GRIN3A: variants seen among roughly 807,000 people sequenced by gnomAD.
GRIN3A encodes glutamate ionotropic receptor NMDA type subunit 3A, also known as glutamate receptor ionotropic, NMDA 3A.
In GRIN3A, 47 loss-of-function variants were observed where a neutral mutation model predicts 92.4. That is an observed-to-expected ratio of 0.51 (90% confidence interval 0.40 to 0.65). The LOEUF (loss-of-function observed/expected upper bound fraction) is 0.65. Among genes scored for constraint, GRIN3A ranks in the 30% least tolerant of loss-of-function variants. The pLI, the probability that GRIN3A is intolerant of heterozygous loss-of-function variation, is 0.00. For synonymous variants in GRIN3A, 527 were observed against 540.6 expected (o/e 0.97, Z 0.35); for missense variants, 1,324 against 1,393.1 (o/e 0.95, Z 0.79).
intron 2 of GRIN3A, among the ~76,000 whole-genome samples, chr9:101,684,354 G>A (rs541502362): frequency 1.5e-5 from 2 of 130,654 alleles, no homozygotes; most frequent in East Asian, 2.4e-4. Context: ...CTCGTGATCC[G>A]CCCACCTCGG....
chr9:101,655,283 T>C (rs1829070591), intron 3 of GRIN3A, among the ~76,000 whole-genome samples: 1 of 151,910 alleles, frequency 6.6e-6, no homozygotes, highest in South Asian at 2.1e-4. Context: ...TAAAGCAAAA[T>C]ATATTCTGCA....
intron 8 of GRIN3A, 92 bp from the exon 9 acceptor site, chr9:101,573,605 G>A: frequency 1.0e-6 from 1 of 987,340 alleles, no homozygotes; most frequent in Admixed American, 1.9e-5. Flanking sequence ...GCAATAATAT[G>A]GAGCTGGGTG....
At chr9:101,678,481 T>C (rs1238689072) in intron 2 of GRIN3A, among the ~76,000 whole-genome samples, 4 of 152,294 alleles carry the variant, frequency 2.6e-5, no homozygotes, top group Middle Eastern at 3.4e-3. Flanking sequence ...TAAAATTGCA[T>C]ACAAGGCTCA....
At chr9:101,578,347 T>C (rs1269544444) in intron 7 of GRIN3A, among the ~76,000 whole-genome samples, 1 of 151,726 alleles carries the variant, frequency 6.6e-6, no homozygotes, top group African/African-American at 2.4e-5. Flanking sequence ...CCAATGATAG[T>C]AACCTATCTA....
chr9:101,678,988 G>A (rs990020965), intron 2 of GRIN3A, among the ~76,000 whole-genome samples: 7 of 152,124 alleles, frequency 4.6e-5, no homozygotes, highest in Non-Finnish European at 8.8e-5. Context: ...CCCTTGAACT[G>A]TTCCTGGTCA....
At chr9:101,700,639 A>G (rs1179487229) in intron 1 of GRIN3A, among the ~76,000 whole-genome samples, 1 of 152,218 alleles carries the variant, frequency 6.6e-6, no homozygotes, top group Non-Finnish European at 1.5e-5. Flanking sequence ...TATTCAAAAT[A>G]GAATTTGTTT....
intron 5 of GRIN3A, among the ~76,000 whole-genome samples, chr9:101,622,004 A>G (rs1828563080): frequency 6.6e-6 from 1 of 152,224 alleles, no homozygotes; most frequent in African/African-American, 2.4e-5. Flanking sequence ...TCCCTTTGCT[A>G]TCTAAGACGG....
chr9:101,614,996 C>T (rs1372370249), intron 5 of GRIN3A, among the ~76,000 whole-genome samples: 1 of 151,796 alleles, frequency 6.6e-6, no homozygotes, highest in Non-Finnish European at 1.5e-5. Context: ...GCAAGGGAGG[C>T]AGGGGAAGGA....
At chr9:101,733,831 G>T (rs1309444564) in intron 1 of GRIN3A, among the ~76,000 whole-genome samples, 4 of 152,184 alleles carry the variant, frequency 2.6e-5, no homozygotes, top group African/African-American at 9.6e-5. Context: ...CAACGAGAGT[G>T]TTGAAAATAG....
chr9:101,681,475 A>G (rs545542460), intron 2 of GRIN3A, among the ~76,000 whole-genome samples: 1 of 152,332 alleles, frequency 6.6e-6, no homozygotes, highest in East Asian at 1.9e-4. Context: ...TTCCAGAATC[A>G]TCTCAAATCC....
chr9:101,670,813 A>G lies in GRIN3A; in HGVS notation c.1599T>C (p.Asp533=), dbSNP rs1829307616. The G allele has an allele frequency of 1.2e-6, 2 of 1,614,090 alleles. No individual in the cohort carries two copies. The highest frequency in any genetic ancestry group is 1.7e-6 in the Non-Finnish European group (2 of 1,179,970). Residue 533 remains aspartate, a synonymous_variant, in exon 3 of 9, where the codon GAT becomes GAC. Coordinates refer to ENST00000361820, the MANE Select transcript of GRIN3A (RefSeq NM_133445.3). ...HPFVFTREVD[D]EGLCPAGQLC... ...GTTGGCCAGCAGGGCACAAGCCTTC[A>G]TCATCTACCTCCCTTGTGAAGACAA... is the stretch of plus-strand genomic sequence containing the variant.
intron 2 of GRIN3A, among the ~76,000 whole-genome samples, chr9:101,671,460 T>C (rs1272379016): frequency 6.6e-6 from 1 of 152,040 alleles, no homozygotes; most frequent in Non-Finnish European, 1.5e-5. Context: ...GCTATGGAGG[T>C]TTTCAGCATC....
intron 1 of GRIN3A, among the ~76,000 whole-genome samples, chr9:101,733,057 A>G (rs989925069): frequency 6.6e-6 from 1 of 152,192 alleles, no homozygotes; most frequent in African/African-American, 2.4e-5. Context: ...ATAAAATCTA[A>G]TGGTACAAAA....
Position 101,573,058 on chromosome 9 carries a change from A to G in GRIN3A, c.*116T>C, listed in dbSNP as rs1250491217. ...AGGGAGAGCAGACTTGACCTTTAAGAAGACCTAGACCTCAGCTTCCCCACA... is the reference window on the plus strand; with the variant it reads ...AGGGAGAGCAGACTTGACCTTTAAGGAGACCTAGACCTCAGCTTCCCCACA... On this transcript the variant is annotated 3_prime_UTR_variant, in exon 9 of 9. Coordinates refer to ENST00000361820, the MANE Select transcript of GRIN3A (RefSeq NM_133445.3). 1.1e-6 allele frequency: 1 copy of G among 896,520 alleles called. No homozygotes were observed. The highest frequency in any genetic ancestry group is 1.6e-5 in the African/African-American group (1 of 61,276). The allele number at this position is 896,520 out of a possible 1,614,324, so 55.5% of individuals were successfully genotyped here.
intron 3 of GRIN3A, among the ~76,000 whole-genome samples, chr9:101,633,530 C>G (rs191145875): frequency 1.3e-5 from 2 of 152,106 alleles, no homozygotes; most frequent in Non-Finnish European, 2.9e-5. Flanking sequence ...GGTAATGGTC[C>G]GTGGTCTGGT....
intron 1 of GRIN3A, among the ~76,000 whole-genome samples, chr9:101,695,133 C>T (rs965613347): frequency 1.4e-4 from 22 of 152,036 alleles, no homozygotes; most frequent in Non-Finnish European, 3.1e-4. Context: ...TACAGTCATA[C>T]CCAGAAAGTG....
rs142361059 is a variant in GRIN3A, at chr9:101,670,788, G to A, written c.1624C>T (p.Leu542Phe). The change falls in exon 3 of 9, where the codon CTC (leucine) becomes TTC (phenylalanine). Residue 542 changes from leucine to phenylalanine, a missense_variant. Transcript: ENST00000361820. ...TCATTAGTCATGGGGTCTAGACAGA[G>A]TTGGCCAGCAGGGCACAAGCCTTCA... ...DDEGLCPAGQLCLDPMTNDSS... is the reference protein window; with the variant it reads ...DDEGLCPAGQFCLDPMTNDSS... 17 of 1,613,982 alleles carry A rather than the reference G, an allele frequency of 1.1e-5. No individual in the cohort carries two copies. The highest frequency in any genetic ancestry group is 1.4e-5 in the Non-Finnish European group (16 of 1,179,996).
chr9:101,683,424 TATGGAC>T (rs1397083968), intron 2 of GRIN3A, among the ~76,000 whole-genome samples: 2 of 152,342 alleles, frequency 1.3e-5, no homozygotes, highest in East Asian at 3.9e-4. Flanking sequence ...AGATGTGACT[TATGGAC>T]TGAGAATAAC....
At chr9:101,682,767 G>T (rs1425782715) in intron 2 of GRIN3A, among the ~76,000 whole-genome samples, 2 of 152,142 alleles carry the variant, frequency 1.3e-5, no homozygotes, top group Non-Finnish European at 1.5e-5. Flanking sequence ...CGGATCATGA[G>T]GTCAGGAGAT....
Sources: allele counts gnomAD v4.1 joint callset (sites outside exome capture counted in the v4.1 genomes callset), GRCh38; gene constraint gnomAD v4.1.1; transcripts MANE v1.5; gene names NCBI Gene and HGNC (gene_info 2026-07-23, HGNC 2026-07-21).